The following CR2 variants were observed in gnomAD, a reference collection of about 807,000 sequenced individuals.
The protein encoded by CR2 is complement receptor type 2.
A neutral mutation model predicts 123.0 loss-of-function variants in CR2; 96 were observed. That is an observed-to-expected ratio of 0.78 (90% confidence interval 0.66 to 0.93). The LOEUF is 0.93. Among genes scored for constraint, CR2 ranks in the 40% least tolerant of loss-of-function variants. The pLI is 0.00. For synonymous variants in CR2, 484 were observed against 469.5 expected, an observed-to-expected ratio of 1.03 and a Z score of -0.40; for missense variants, 1,258 against 1,361.0, an observed-to-expected ratio of 0.92 and a Z score of 1.19.
At chr1:207,456,406 C>T (rs867168805) in intron 1 of CR2, among the ~76,000 whole-genome samples, 3 of 152,176 alleles carry the variant, frequency 2.0e-5, no homozygotes, top group African/African-American at 7.2e-5. Context: ...ACCTCCCCCT[C>T]CAGAGGTTCA....
Position 207,480,062 on chromosome 1 carries a change from A to C in CR2, c.3188+9A>C, listed in dbSNP as rs1658562397. On this transcript the variant is annotated intron_variant, in intron 18 of 19. Transcript: ENST00000367057. The stretch of plus-strand genomic sequence containing the variant: ...TCAAAACACAGAGCACGGTAAGTTC[A>C]AAGGCGAATACTTGATTGACCAACA... The C allele has an allele frequency of 6.3e-7, 1 of 1,597,090 alleles. No individual in the cohort carries two copies. The highest frequency in any genetic ancestry group is 1.3e-5 in the African/African-American group (1 of 74,422).
intron 1 of CR2, among the ~76,000 whole-genome samples, chr1:207,455,307 T>C (rs149103167): frequency 1.0e-3 from 152 of 152,358 alleles, no homozygotes; most frequent in African/African-American, 3.4e-3. Flanking sequence ...TGGGTGACTT[T>C]TGGCAAGTCA....
intron 19 of CR2, among the ~76,000 whole-genome samples, chr1:207,488,677 A>G (rs1658813397): frequency 6.6e-6 from 1 of 152,212 alleles, no homozygotes; most frequent in Non-Finnish European, 1.5e-5. Context: ...ACTTATTTTA[A>G]TAAGATAAAT....
At chr1:207,456,276 C>T (rs2102293481) in intron 1 of CR2, among the ~76,000 whole-genome samples, 1 of 152,248 alleles carries the variant, frequency 6.6e-6, no homozygotes, top group South Asian at 2.1e-4. Context: ...GCCCACTCTC[C>T]ACTGCTAACT....
chr1:207,473,776 T>C (rs1658355170), intron 11 of CR2, 25 bp from the exon 12 acceptor site: 5 of 1,613,906 alleles, frequency 3.1e-6, no homozygotes, highest in Non-Finnish European at 3.4e-6. Flanking sequence ...CTATAAATAC[T>C]GTAATTCCAT....
intron 8 of CR2, 115 bp downstream of exon 8, chr1:207,471,202 A>G (rs866712862): frequency 1.5e-5 from 17 of 1,102,780 alleles, no homozygotes; most frequent in Non-Finnish European, 2.1e-5. Flanking sequence ...AGTTTGTCTC[A>G]TAGGTGCTTG....
At position 207,474,244 on chromosome 1, in the gene CR2, C is replaced by T; in HGVS notation, c.2244C>T (p.Tyr748=). 6.2e-7 allele frequency: 1 copy of T among 1,610,328 alleles called. No homozygotes were observed. The highest frequency in any genetic ancestry group is 8.5e-7 in the Non-Finnish European group (1 of 1,176,724). Residue 748 remains tyrosine (Y), a synonymous_variant, in exon 13 of 20, where the codon TAC becomes TAT. Transcript: ENST00000367057. ...ATTATAATCTGTCTCTCTGTAGGTA[C>T]CAGTTGACTGGACATGCTTATCAGA... ...ELVNTSCQDG[Y]QLTGHAYQMC...
In CR2 at chr1:207,472,622, C is replaced by A. The variant is rs188448679; in HGVS notation, c.1571-150C>A. On this transcript the variant is annotated intron_variant, in intron 9 of 19. Transcript: ENST00000367057. ...ATGTGTTTAAATTGCATTTTACATACTTAATGAGCTTTCACACAACTCACA... is the reference window on the plus strand; with the variant it reads ...ATGTGTTTAAATTGCATTTTACATAATTAATGAGCTTTCACACAACTCACA... 1.5e-5 allele frequency: 11 copies of A among 741,230 alleles called. No homozygotes were observed. In the East Asian group the frequency reaches 2.7e-4, roughly 18 times the overall value. 45.9% of individuals were successfully genotyped at this position (741,230 alleles called of 1,614,324 possible). A position where few individuals can be genotyped will look rare whatever the true frequency, so the allele number is the denominator to read the frequency against.
Position 207,454,604 on chromosome 1 carries a change from G to C in CR2, c.58+128G>C. 4.1e-6 allele frequency: 3 copies of C among 736,030 alleles called. No individual in the cohort carries two copies. In the South Asian group the frequency reaches 5.5e-5, roughly 13 times the overall value. The allele number at this position is 736,030 out of a possible 1,614,324, so 45.6% of individuals were successfully genotyped here. A position where few individuals can be genotyped will look rare whatever the true frequency, so the allele number is the denominator to read the frequency against. On this transcript the variant is annotated intron_variant, in intron 1 of 19. Coordinates refer to ENST00000367057, the MANE Select transcript of CR2 (RefSeq NM_001006658.3). The surrounding 1 kb of genome is among the most constrained non-coding windows in gnomAD (Gnocchi z 4.3). ...AGTGCTCGACGCGTGTCCGCCTCCCGCTAGCTTTGAGGGACCACTGCAATA... is the reference window on the plus strand; with the variant it reads ...AGTGCTCGACGCGTGTCCGCCTCCCCCTAGCTTTGAGGGACCACTGCAATA...
rs558480195 is a variant in CR2 at position 207,457,084 on chromosome 1, A to C, written c.58+2608A>C. ...TATTTTCTACAGACCACCTATCACCATCTAAAACCTTCTTCCTTATTTATG... is the reference window on the plus strand; with the variant it reads ...TATTTTCTACAGACCACCTATCACCCTCTAAAACCTTCTTCCTTATTTATG... On this transcript the variant is annotated intron_variant, in intron 1 of 19. Coordinates refer to ENST00000367057, the MANE Select transcript of CR2 (RefSeq NM_001006658.3). Among the ~76,000 whole-genome samples, 86 of 152,286 alleles carry C rather than the reference A, an allele frequency of 5.6e-4. 1 individual carries two copies. Among genetic ancestry groups the C allele is most frequent in the South Asian group, 1.2e-3 (6 of 4,826 alleles).
rs553139215 is a variant in CR2 at position 207,482,414 on chromosome 1, A to G, written c.3188+2361A>G. ...TCATATGTTGCTCTATCTAGTATAT[A>G]CATGCATGGCTTTTAAAACATTTGA... On this transcript the variant is annotated intron_variant, in intron 18 of 19. Transcript: ENST00000367057. Among the ~76,000 whole-genome samples, 4 of 152,230 alleles carry G rather than the reference A, an allele frequency of 2.6e-5. No individual in the cohort carries two copies. In the South Asian group the frequency reaches 8.3e-4, roughly 32 times the overall value.
At chr1:207,472,627 T>G in intron 9 of CR2, 145 bp from the exon 10 acceptor site, 27 of 761,952 alleles carry the variant, frequency 3.5e-5, no homozygotes, top group Non-Finnish European at 5.1e-5. Flanking sequence ...ACATACTTAA[T>G]GAGCTTTCAC....
chr1:207,469,593 C>T (rs755211925), intron 5 of CR2, 102 bp from the exon 6 acceptor site: 22 of 1,056,012 alleles, frequency 2.1e-5, no homozygotes, highest in African/African-American at 9.4e-5. Context: ...ATTATAGACT[C>T]GGATATCACT....
At chr1:207,463,784 G>A (rs1658022709) in intron 1 of CR2, among the ~76,000 whole-genome samples, 1 of 152,034 alleles carries the variant, frequency 6.6e-6, no homozygotes, top group African/African-American at 2.4e-5. Context: ...TATTATCTCA[G>A]ACAATATTGT....
rs577379788 is a variant in CR2 at position 207,480,227 on chromosome 1, TCAAA to T, written c.3188+177_3188+180del. On this transcript the variant is annotated intron_variant, in intron 18 of 19. Coordinates refer to ENST00000367057, the MANE Select transcript of CR2 (RefSeq NM_001006658.3). ...CCCTTTCTGTAGGACTTAAGAGATATCAAACACTTAGCTTATTTTATTGAATGAT... is the reference window on the plus strand; with the variant it reads ...CCCTTTCTGTAGGACTTAAGAGATATCACTTAGCTTATTTTATTGAATGAT... Among the ~76,000 whole-genome samples the T allele has an allele frequency of 1.5e-3, 232 of 152,326 alleles. 1 individual carries two copies. The highest frequency in any genetic ancestry group is 2.6e-3 in the Non-Finnish European group (179 of 68,010).
rs767018384 is a variant in CR2, at chr1:207,473,841, A to G, written c.2196A>G (p.Pro732=). 6.2e-7 allele frequency: 1 copy of G among 1,613,988 alleles called. No individual in the cohort carries two copies. The highest frequency in any genetic ancestry group is 8.5e-7 in the Non-Finnish European group (1 of 1,179,892). The stretch of plus-strand genomic sequence containing the variant: ...TGAGACAGAGTCTTCAAGAACTTCC[A>G]GCTGGTTCACGTGTGGAGCTAGTTA... The part of the protein sequence containing the change: ...QHVRQSLQEL[P]AGSRVELVNT... The change falls in exon 12 of 20, where the codon CCA becomes CCG. Residue 732 remains proline (P), a synonymous_variant. Transcript: ENST00000367057.
rs571329868 is a variant in CR2 at position 207,482,983 on chromosome 1, C to T, written c.3189-2481C>T. On this transcript the variant is annotated intron_variant, in intron 18 of 19. Transcript: ENST00000367057. ...AAGAAAAAAAAAAAAAACCCTGACACGTAAATCTTGTGGAAGCTACAGAAT... is the reference window on the plus strand; with the variant it reads ...AAGAAAAAAAAAAAAAACCCTGACATGTAAATCTTGTGGAAGCTACAGAAT... Among the ~76,000 whole-genome samples the T allele has an allele frequency of 5.3e-5, 8 of 151,534 alleles. No homozygotes were observed. The East Asian group carries it at 9.7e-4, about 18-fold the overall frequency.
Position 207,472,752 on chromosome 1 carries a change from G to T in CR2, c.1571-20G>T, listed in dbSNP as rs772269454. 1 of 1,611,846 alleles carries T rather than the reference G, an allele frequency of 6.2e-7. No homozygotes were observed. The highest frequency in any genetic ancestry group is 1.1e-5 in the South Asian group (1 of 91,056). ...TCTAATACAGGAACTCAATTCTACAGTATCTTTTCATCTCTCTAGAAATCA... is the reference window on the plus strand; with the variant it reads ...TCTAATACAGGAACTCAATTCTACATTATCTTTTCATCTCTCTAGAAATCA... On this transcript the variant is annotated intron_variant, in intron 9 of 19. Coordinates refer to ENST00000367057, the MANE Select transcript of CR2 (RefSeq NM_001006658.3).
Position 207,471,490 on chromosome 1 carries a change from C to T in CR2, c.1561C>T (p.Leu521Phe). The change falls in exon 9 of 20, where the codon CTT (leucine) becomes TTT (phenylalanine). Residue 521 changes from leucine to phenylalanine, a missense_variant. Coordinates refer to ENST00000367057, the MANE Select transcript of CR2 (RefSeq NM_001006658.3). Reference protein sequence around the residue: ...GTIPWFMEIRLCKEITCPPPP... With the variant: ...GTIPWFMEIRFCKEITCPPPP... ...AATTCCTTGGTTTATGGAGATTCGTCTTTGTAAAGGTGAGTAGCAAAAATG... is the reference window on the plus strand; with the variant it reads ...AATTCCTTGGTTTATGGAGATTCGTTTTTGTAAAGGTGAGTAGCAAAAATG... 4.4e-6 allele frequency: 7 copies of T among 1,608,652 alleles called. No individual in the cohort carries two copies. Among genetic ancestry groups the T allele is most frequent in the Non-Finnish European group, 6.0e-6 (7 of 1,175,256 alleles).
Sources: gnomAD v4.1 joint callset for allele counts (sites outside exome capture counted in the v4.1 genomes callset) on GRCh38, gnomAD v4.1.1 for gene constraint, Gnocchi (gnomAD v3.1) non-coding constraint, MANE v1.5 for transcripts, NCBI Gene and HGNC (gene_info 2026-07-23, HGNC 2026-07-21) for gene names.